MOK: variants seen among roughly 807,000 people sequenced by gnomAD.
MOK encodes MAPK/MAK/MRK overlapping kinase.
MOK carries 59 observed loss-of-function variants against 54.2 expected under a neutral mutation model. That is an observed-to-expected ratio of 1.09 (90% CI 0.88 to 1.35). The LOEUF (loss-of-function observed/expected upper bound fraction) is 1.35, where lower values mean the gene tolerates loss of function less well. Ranked by LOEUF, MOK falls within the 40% of genes most tolerant of loss-of-function variation. MOK has a pLI of 0.00. For missense variants in MOK, 517 were observed against 526.2 expected (o/e 0.98, Z 0.17); for synonymous variants, 210 against 202.7 (o/e 1.04, Z -0.31).
Position 102,238,016 on chromosome 14 carries a change from C to T in MOK, c.591-4227G>A, listed in dbSNP as rs914342580. ...AAAAGTGCTCCCTTCAACCCAGCATCCTTACTCCCTGTATCTTCTTCCCTT... is the reference window on the plus strand; with the variant it reads ...AAAAGTGCTCCCTTCAACCCAGCATTCTTACTCCCTGTATCTTCTTCCCTT... On this transcript the variant is annotated intron_variant, in intron 7 of 11. Transcript: ENST00000361847. This position sits in a 1 kb window ranked among gnomAD's most constrained non-coding sequence, Gnocchi z 4.8. 6.6e-6 allele frequency: 1 copy of T among 152,294 alleles called. No homozygotes were observed. The highest frequency in any genetic ancestry group is 2.1e-4 in the South Asian group (1 of 4,836). 9.4% of individuals were successfully genotyped at this position (152,294 alleles called of 1,614,324 possible).
chr14:102,224,730 T>G, downstream of MOK: 1 of 456,052 alleles, frequency 2.2e-6, no homozygotes, highest in Non-Finnish European at 4.4e-6. Context: ...GTTCTCAGCC[T>G]GCCCCACTCG....
At chr14:102,268,991 A>G (rs1439419519) in intron 2 of MOK, among the ~76,000 whole-genome samples, 3 of 152,112 alleles carry the variant, frequency 2.0e-5, no homozygotes, top group Non-Finnish European at 2.9e-5. Flanking sequence ...TTTATGGAAA[A>G]TAAGTTTATC....
intron 1 of MOK, among the ~76,000 whole-genome samples, chr14:102,290,467 C>CA (rs530029411): frequency 2.1e-4 from 31 of 151,154 alleles, no homozygotes; most frequent in South Asian, 8.4e-4. Context: ...AACAAACAAA[C>CA]AAAAAAAATA....
chr14:102,298,194 G>A (rs983434176), intron 1 of MOK, among the ~76,000 whole-genome samples: 5 of 152,224 alleles, frequency 3.3e-5, no homozygotes, highest in Non-Finnish European at 5.9e-5. Context: ...TCTAACTAAG[G>A]GATTGTAAAT....
rs1440950635 is a variant in MOK at position 102,245,806 on chromosome 14, A to AC, written c.590+5005dup. ...TACTGCAGCCAAACTCTCAGGACAT[A>AC]CCCCCTAGTATCACCTTTCCAGGTT... On this transcript the variant is annotated intron_variant, in intron 7 of 11. Coordinates refer to ENST00000361847, the MANE Select transcript of MOK (RefSeq NM_014226.3). The surrounding 1 kb of genome is among the most constrained non-coding windows in gnomAD (Gnocchi z 4.3). Among the ~76,000 whole-genome samples the AC allele has an allele frequency of 6.6e-6, 1 of 151,712 alleles. No individual in the cohort carries two copies. Among genetic ancestry groups the AC allele is most frequent in the Non-Finnish European group, 1.5e-5 (1 of 67,918 alleles).
At chr14:102,260,692 T>C (rs1378809646) in intron 4 of MOK, 1 of 151,106 alleles carries the variant, frequency 6.6e-6, no homozygotes, top group Non-Finnish European at 1.5e-5. Flanking sequence ...ACAATATTTA[T>C]ATAATGAATG....
At chr14:102,244,397 G>C (rs938267532) in intron 7 of MOK, among the ~76,000 whole-genome samples, 2 of 152,144 alleles carry the variant, frequency 1.3e-5, no homozygotes, top group Non-Finnish European at 2.9e-5. Flanking sequence ...ATTCTATTCT[G>C]TCGTCATTTC....
rs922626474 is a variant in MOK, at chr14:102,245,462, G to A, written c.590+5350C>T. 6.6e-6 allele frequency among the ~76,000 whole-genome samples: 1 copy of A among 152,062 alleles called. No homozygotes were observed. The highest frequency in any genetic ancestry group is 1.5e-5 in the Non-Finnish European group (1 of 68,018). On this transcript the variant is annotated intron_variant, in intron 7 of 11. Coordinates refer to ENST00000361847, the MANE Select transcript of MOK (RefSeq NM_014226.3). This position sits in a 1 kb window ranked among gnomAD's most constrained non-coding sequence, Gnocchi z 4.3. ...ATCCAGATGGCCTGAAGCAAGTGAAGAATCACAAAAGAAGTGAAAATGGCC... is the reference window on the plus strand; with the variant it reads ...ATCCAGATGGCCTGAAGCAAGTGAAAAATCACAAAAGAAGTGAAAATGGCC...
chr14:102,298,130 T>C (rs999933736), intron 1 of MOK, among the ~76,000 whole-genome samples: 9 of 152,160 alleles, frequency 5.9e-5, no homozygotes, highest in South Asian at 2.1e-4. Flanking sequence ...TGGGATCCAC[T>C]AGGTGAAGCC....
intron 7 of MOK, among the ~76,000 whole-genome samples, chr14:102,244,854 C>T (rs542861962): frequency 2.0e-5 from 3 of 152,220 alleles, no homozygotes; most frequent in African/African-American, 7.2e-5. Context: ...TTCAGTGGAA[C>T]CTTCATACCG....
At chr14:102,265,946 C>T (rs185920312) in intron 2 of MOK, 34 bp from the exon 3 acceptor site, 1 of 1,457,794 alleles carries the variant, frequency 6.9e-7, no homozygotes, top group Admixed American at 1.8e-5. Context: ...AGCTCATTCA[C>T]AGTTTAGGTC....
intron 7 of MOK, among the ~76,000 whole-genome samples, chr14:102,247,105 C>T (rs902023616): frequency 6.6e-6 from 1 of 152,124 alleles, no homozygotes; most frequent in Non-Finnish European, 1.5e-5. Flanking sequence ...CGACTGTGTC[C>T]TTATCCCAAC....
At chr14:102,239,530 G>A (rs895056018) in intron 7 of MOK, among the ~76,000 whole-genome samples, 1 of 150,802 alleles carries the variant, frequency 6.6e-6, no homozygotes, top group African/African-American at 2.4e-5. Context: ...ACCACATAAA[G>A]GCCTCACTGA....
chr14:102,259,211 T>G (rs1028529729), intron 4 of MOK, among the ~76,000 whole-genome samples: 4 of 152,230 alleles, frequency 2.6e-5, no homozygotes, highest in African/African-American at 7.2e-5. Context: ...GATCGTTCCC[T>G]TATTTCATTA....
downstream of MOK, chr14:102,222,915 G>A: frequency 6.2e-7 from 1 of 1,613,682 alleles, no homozygotes. This position sits in a 1 kb window ranked among gnomAD's most constrained non-coding sequence, Gnocchi z 4.4. Context: ...AGTCTCCCGG[G>A]ACTTGGACTC....
downstream of MOK, among the ~76,000 whole-genome samples, chr14:102,226,637 C>T (rs2064260916): frequency 6.6e-6 from 1 of 152,174 alleles, no homozygotes; most frequent in Admixed American, 6.5e-5. This position sits in a 1 kb window ranked among gnomAD's most constrained non-coding sequence, Gnocchi z 4.8. Context: ...GCAGCTGAAG[C>T]GGCCTGGGGA....
chr14:102,295,008 C>G (rs576521798), intron 1 of MOK, among the ~76,000 whole-genome samples: 1 of 152,120 alleles, frequency 6.6e-6, no homozygotes, highest in Admixed American at 6.6e-5. Flanking sequence ...AAGAAACCAC[C>G]TCTATGAAAA....
At chr14:102,289,180 C>T (rs1597579347) in intron 1 of MOK, among the ~76,000 whole-genome samples, 1 of 151,892 alleles carries the variant, frequency 6.6e-6, no homozygotes, top group East Asian at 1.9e-4. Context: ...GCTGGGATTA[C>T]AGGCACGAGC....
intron 1 of MOK, among the ~76,000 whole-genome samples, chr14:102,284,518 C>G (rs894420285): frequency 2.0e-5 from 3 of 151,962 alleles, no homozygotes; most frequent in African/African-American, 7.3e-5. Flanking sequence ...ACTTTTCAAG[C>G]AGAAATGGAA....
Sources: gnomAD v4.1 joint callset for allele counts (sites outside exome capture counted in the v4.1 genomes callset) on GRCh38, gnomAD v4.1.1 for gene constraint, Gnocchi (gnomAD v3.1) non-coding constraint, MANE v1.5 for transcripts, NCBI Gene and HGNC (gene_info 2026-07-23, HGNC 2026-07-21) for gene names.